Variants in SYN3 observed in about 807,000 individuals in gnomAD.
SYN3 encodes synapsin-3.
A neutral mutation model predicts 65.8 loss-of-function variants in SYN3; 35 were observed. The observed-to-expected ratio is 0.53, with a 90% CI of 0.41 to 0.70. The LOEUF is 0.70. Among genes scored for constraint, SYN3 ranks in the 30% least tolerant of loss-of-function variants. The pLI, the probability that SYN3 is intolerant of heterozygous loss-of-function variation, is 0.00. For synonymous variants in SYN3, 270 were observed against 292.9 expected (o/e 0.92, Z 0.80); for missense variants, 680 against 749.0 (o/e 0.91, Z 1.08).
At chr22:32,630,378 C>T (rs1054360129) in intron 6 of SYN3, among the ~76,000 whole-genome samples, 2 of 152,112 alleles carry the variant, frequency 1.3e-5, no homozygotes, top group Non-Finnish European at 2.9e-5. Flanking sequence ...TGAGGCTACA[C>T]GTATGTCCCA....
At chr22:32,770,397 A>G (rs1203385312) in intron 6 of SYN3, among the ~76,000 whole-genome samples, 6 of 152,030 alleles carry the variant, frequency 3.9e-5, no homozygotes, top group African/African-American at 1.4e-4. Flanking sequence ...ACTCCTTACC[A>G]TGAGCCACAG....
intron 4 of SYN3, among the ~76,000 whole-genome samples, chr22:32,918,500 C>T (rs1177775523): frequency 6.6e-6 from 1 of 152,150 alleles, no homozygotes; most frequent in African/African-American, 2.4e-5. Context: ...ATAAATTATA[C>T]AATAGCATAT....
chr22:32,910,758 T>C (rs1319684625), intron 4 of SYN3, among the ~76,000 whole-genome samples: 2 of 152,218 alleles, frequency 1.3e-5, no homozygotes, highest in African/African-American at 4.8e-5. Context: ...AATAGGTCGT[T>C]CAGAGGATTC....
At chr22:33,016,112 C>T (rs2053462208) in intron 1 of SYN3, among the ~76,000 whole-genome samples, 1 of 152,186 alleles carries the variant, frequency 6.6e-6, no homozygotes, top group African/African-American at 2.4e-5. Flanking sequence ...TCCCAAAGTG[C>T]TGGGATTACA....
At chr22:32,539,043 G>A (rs1426441236) in intron 8 of SYN3, among the ~76,000 whole-genome samples, 3 of 152,056 alleles carry the variant, frequency 2.0e-5, no homozygotes, top group African/African-American at 4.8e-5. Context: ...ATCTGGCCTC[G>A]GCAAAGACTG....
chr22:32,821,989 C>G (rs1194210773), intron 6 of SYN3, among the ~76,000 whole-genome samples: 2 of 152,066 alleles, frequency 1.3e-5, no homozygotes, highest in South Asian at 2.1e-4. Context: ...AACCCCATCT[C>G]TACTAAAAAT....
At chr22:32,712,280 C>T (rs1412098499) in intron 6 of SYN3, among the ~76,000 whole-genome samples, 1 of 152,228 alleles carries the variant, frequency 6.6e-6, no homozygotes, top group African/African-American at 2.4e-5. Context: ...GCTTCTGCTT[C>T]ATGCACTCTT....
At chr22:32,742,441 T>A (rs1214245393) in intron 6 of SYN3, among the ~76,000 whole-genome samples, 1 of 152,042 alleles carries the variant, frequency 6.6e-6, no homozygotes, top group African/African-American at 2.4e-5. Context: ...AACACAGAGC[T>A]TCAATACTCG....
chr22:32,599,608 A>C (rs954018869), intron 6 of SYN3, among the ~76,000 whole-genome samples: 2 of 152,178 alleles, frequency 1.3e-5, no homozygotes, highest in African/African-American at 4.8e-5. Context: ...GGTGTGAGCC[A>C]CTGCGCCGGA....
intron 5 of SYN3, among the ~76,000 whole-genome samples, chr22:32,867,989 T>C (rs757844519): frequency 6.6e-5 from 10 of 152,184 alleles, no homozygotes; most frequent in Admixed American, 1.3e-4. Context: ...AATTAAATGT[T>C]GGGTGTTGGA....
At chr22:32,848,223 C>T (rs2048123890) in intron 6 of SYN3, among the ~76,000 whole-genome samples, 1 of 152,222 alleles carries the variant, frequency 6.6e-6, no homozygotes, top group Non-Finnish European at 1.5e-5. Flanking sequence ...TCTTTCAGCC[C>T]TCAACCCACT....
chr22:32,563,599 G>A (rs774686052), intron 7 of SYN3, among the ~76,000 whole-genome samples: 3 of 152,208 alleles, frequency 2.0e-5, no homozygotes, highest in Non-Finnish European at 2.9e-5. Context: ...GGCATGTGCC[G>A]AGAGGACCCT....
chr22:32,829,022 G>C (rs1015613453), intron 6 of SYN3, among the ~76,000 whole-genome samples: 8 of 152,118 alleles, frequency 5.3e-5, no homozygotes, highest in Non-Finnish European at 1.2e-4. Context: ...GAGACTACCA[G>C]CCTCCTCCCT....
At chr22:32,571,583 G>A (rs558207589) in intron 7 of SYN3, among the ~76,000 whole-genome samples, 25 of 152,290 alleles carry the variant, frequency 1.6e-4, no homozygotes, top group Non-Finnish European at 3.2e-4. Context: ...GACCTATGGC[G>A]ATGGTACCTT....
intron 4 of SYN3, among the ~76,000 whole-genome samples, chr22:32,919,085 A>G (rs1601695064): frequency 6.6e-6 from 1 of 152,204 alleles, no homozygotes; most frequent in Non-Finnish European, 1.5e-5. Flanking sequence ...AGCAAGGTAC[A>G]TGCCAAGCCA....
At chr22:33,033,876 T>C (rs145533127) in intron 1 of SYN3, among the ~76,000 whole-genome samples, 23 of 152,124 alleles carry the variant, frequency 1.5e-4, no homozygotes, top group Admixed American at 9.8e-4. Context: ...CAAGGTACAA[T>C]GATCACAATT....
rs139905622 is a variant in SYN3, at chr22:32,965,579, T to A, written c.369+15066A>T. ...GTGTGTGTGTGTGTGTGTGTGTGCA[T>A]GCTTGTGTGTGTGCGTAAGAGAGAG... On this transcript the variant is annotated intron_variant, in intron 3 of 13. Transcript: ENST00000358763. Among the ~76,000 whole-genome samples, 1,146 of 150,818 alleles carry A rather than the reference T, an allele frequency of 7.6e-3. 19 individuals are homozygous for A. The highest frequency in any genetic ancestry group is 6.9e-3 in the Non-Finnish European group (468 of 67,624).
intron 6 of SYN3, among the ~76,000 whole-genome samples, chr22:32,703,328 C>G (rs1305530645): frequency 6.6e-6 from 1 of 151,970 alleles, no homozygotes; most frequent in East Asian, 1.9e-4. Flanking sequence ...CATTTCTGAC[C>G]CAATGGAGTT....
intron 7 of SYN3, among the ~76,000 whole-genome samples, chr22:32,552,360 T>G (rs367909925): frequency 4.6e-5 from 7 of 151,990 alleles, no homozygotes; most frequent in Non-Finnish European, 8.8e-5. Flanking sequence ...AGATTGGAGA[T>G]GTACATAAAA....
Sources: allele counts gnomAD v4.1 joint callset (sites outside exome capture counted in the v4.1 genomes callset), GRCh38; gene constraint gnomAD v4.1.1; transcripts MANE v1.5; gene names NCBI Gene and HGNC (gene_info 2026-07-23, HGNC 2026-07-21).